SCEL: variants seen among roughly 807,000 people sequenced by gnomAD.
SCEL encodes sciellin.
SCEL carries 113 observed loss-of-function variants against 117.6 expected under a neutral mutation model. That is an observed-to-expected ratio of 0.96 (90% CI 0.83 to 1.12). The LOEUF (loss-of-function observed/expected upper bound fraction) is 1.12. SCEL is among the 50% of genes most tolerant of loss of function. The pLI, the probability that SCEL is intolerant of heterozygous loss-of-function variation, is 0.00. For synonymous variants in SCEL, 270 were observed against 256.2 expected, an observed-to-expected ratio of 1.05 and a Z score of -0.51; for missense variants, 785 against 810.8, an observed-to-expected ratio of 0.97 and a Z score of 0.39.
At chr13:77,595,184 C>A (rs908098870) in intron 12 of SCEL, among the ~76,000 whole-genome samples, 1 of 152,142 alleles carries the variant, frequency 6.6e-6, no homozygotes, top group African/African-American at 2.4e-5. Flanking sequence ...GCTCCCTAGC[C>A]ATAATGCTCA....
chr13:77,594,585 C>T (rs1031427920), intron 12 of SCEL, among the ~76,000 whole-genome samples: 5 of 152,202 alleles, frequency 3.3e-5, no homozygotes, highest in East Asian at 1.9e-4. Context: ...TTTATAAGAG[C>T]GAATCATACT....
intron 23 of SCEL, 100 bp from the exon 24 acceptor site, chr13:77,613,793 T>C (rs1373307672): frequency 1.1e-6 from 1 of 894,486 alleles, no homozygotes; most frequent in Non-Finnish European, 1.8e-6. Flanking sequence ...AGTAAACTTA[T>C]GAGTTCTTAC....
intron 5 of SCEL, among the ~76,000 whole-genome samples, chr13:77,564,175 T>TGTTAGTTC (rs990358381): frequency 1.3e-5 from 2 of 151,466 alleles, no homozygotes; most frequent in Non-Finnish European, 2.9e-5. Context: ...GTGCAGAATC[T>TGTTAGTTC]GTTAGTTCAA....
At chr13:77,642,129 G>A (rs564948520) in intron 31 of SCEL, among the ~76,000 whole-genome samples, 8 of 151,526 alleles carry the variant, frequency 5.3e-5, no homozygotes, top group East Asian at 3.9e-4. Flanking sequence ...AAATATTACC[G>A]AGAATAAAAA....
At chr13:77,634,114 C>T (rs2090160275) in intron 28 of SCEL, among the ~76,000 whole-genome samples, 1 of 152,158 alleles carries the variant, frequency 6.6e-6, no homozygotes, top group Non-Finnish European at 1.5e-5. Flanking sequence ...AAATAATCCT[C>T]ATATTCTACA....
At chr13:77,614,348 C>G (rs949261642) in intron 24 of SCEL, among the ~76,000 whole-genome samples, 1 of 152,128 alleles carries the variant, frequency 6.6e-6, no homozygotes, top group Non-Finnish European at 1.5e-5. Context: ...TTAGACTAAT[C>G]ATTAGCAGTA....
At chr13:77,603,869 G>C (rs922954780) in intron 18 of SCEL, among the ~76,000 whole-genome samples, 2 of 152,106 alleles carry the variant, frequency 1.3e-5, no homozygotes, top group African/African-American at 2.4e-5. Context: ...GAAAGCATAC[G>C]TTCTTATTCT....
chr13:77,547,142 C>G (rs2084036316), intron 1 of SCEL, among the ~76,000 whole-genome samples: 1 of 152,150 alleles, frequency 6.6e-6, no homozygotes, highest in Non-Finnish European at 1.5e-5. Context: ...ATCATCATGA[C>G]TGGACCTTTC....
At chr13:77,554,038 A>G (rs891356005) in intron 1 of SCEL, among the ~76,000 whole-genome samples, 4 of 152,106 alleles carry the variant, frequency 2.6e-5, no homozygotes, top group Admixed American at 6.5e-5. Flanking sequence ...ATCTTAGGTC[A>G]GGTTTCCCAG....
intron 3 of SCEL, among the ~76,000 whole-genome samples, chr13:77,557,774 G>A (rs984617128): frequency 1.3e-5 from 2 of 152,030 alleles, no homozygotes; most frequent in East Asian, 1.9e-4. Context: ...ATAAATCACG[G>A]GACAGCTCCC....
intron 19 of SCEL, among the ~76,000 whole-genome samples, chr13:77,605,686 A>G (rs1450977805): frequency 2.0e-5 from 3 of 152,138 alleles, no homozygotes; most frequent in African/African-American, 7.2e-5. Context: ...AGAAAAATCC[A>G]TGTTCCTTTT....
chr13:77,538,022 T>C (rs1041156772), intron 1 of SCEL, among the ~76,000 whole-genome samples: 1 of 152,212 alleles, frequency 6.6e-6, no homozygotes, highest in Non-Finnish European at 1.5e-5. Flanking sequence ...ATTTTCCATT[T>C]TCTTTGGCTG....
chr13:77,620,924 A>G (rs1008747613), intron 27 of SCEL, among the ~76,000 whole-genome samples: 3 of 152,134 alleles, frequency 2.0e-5, no homozygotes, highest in African/African-American at 4.8e-5. Context: ...CTAACTATCT[A>G]TTGCATATTT....
chr13:77,602,201 A>T, intron 16 of SCEL, 77 bp downstream of exon 16: 1 of 1,219,390 alleles, frequency 8.2e-7, no homozygotes. Context: ...TGGGAGTGTT[A>T]TGCTTTCCTT....
chr13:77,594,742 A>G (rs1428443358), intron 12 of SCEL, among the ~76,000 whole-genome samples: 4 of 152,242 alleles, frequency 2.6e-5, no homozygotes, highest in African/African-American at 9.6e-5. Flanking sequence ...TGGTAAAATC[A>G]TAATATTCCA....
intron 6 of SCEL, 85 bp from the exon 7 acceptor site, chr13:77,568,210 A>G: frequency 1.2e-6 from 1 of 842,044 alleles, no homozygotes; most frequent in Non-Finnish European, 1.9e-6. Context: ...CTAACTTTTA[A>G]AACTCTAAAT....
intron 28 of SCEL, among the ~76,000 whole-genome samples, chr13:77,632,953 T>A (rs1291922319): frequency 1.3e-5 from 2 of 152,228 alleles, no homozygotes; most frequent in Non-Finnish European, 2.9e-5. Flanking sequence ...CATGGGAAGC[T>A]TTCTATAATG....
At chr13:77,591,350 G>A (rs1467429667) in intron 10 of SCEL, 45 bp from the exon 11 acceptor site, 1 of 1,185,676 alleles carries the variant, frequency 8.4e-7, no homozygotes, top group African/African-American at 1.5e-5. Context: ...ATCAAAAAGT[G>A]TTTTCTTTTC....
At chr13:77,551,259 T>C (rs569481220) in intron 1 of SCEL, among the ~76,000 whole-genome samples, 107 of 152,290 alleles carry the variant, frequency 7.0e-4, no homozygotes, top group African/African-American at 2.5e-3. Flanking sequence ...AGGTCCCCTG[T>C]TCAGGGCGGG....
Sources: gnomAD v4.1 joint callset for allele counts (sites outside exome capture counted in the v4.1 genomes callset) on GRCh38, gnomAD v4.1.1 for gene constraint, MANE v1.5 for transcripts, NCBI Gene and HGNC (gene_info 2026-07-23, HGNC 2026-07-21) for gene names.